Variants in SLC67A1 observed in about 807,000 individuals in gnomAD.
SLC67A1 encodes the protein solute carrier family 67 member A1.
the SLC67A1 span, among the ~76,000 whole-genome samples, chr11:2,918,433 T>C: frequency 6.6e-6 from 1 of 152,248 alleles, no homozygotes; most frequent in Admixed American, 6.5e-5. Flanking sequence ...GTGTCACCAC[T>C]GCCTTCTGCA....
At chr11:2,923,557 G>C in the SLC67A1 span, among the ~76,000 whole-genome samples, 1 of 152,344 alleles carries the variant, frequency 6.6e-6, no homozygotes, top group East Asian at 1.9e-4. This position sits in a 1 kb window ranked among gnomAD's most constrained non-coding sequence, Gnocchi z 6.5. Flanking sequence ...GCAAAGGGCA[G>C]GCCTATTCTC....
At chr11:2,919,406 T>G in the SLC67A1 span, 1 of 1,612,660 alleles carries the variant, frequency 6.2e-7, no homozygotes, top group Non-Finnish European at 8.5e-7. Context: ...CTCCTCCAGA[T>G]GGTGAGTGGG....
At chr11:2,905,590 G>T in the SLC67A1 span, among the ~76,000 whole-genome samples, 1 of 152,302 alleles carries the variant, frequency 6.6e-6, no homozygotes, top group Non-Finnish European at 1.5e-5. Context: ...TGGACATTTG[G>T]GTTGGTTCCA....
the SLC67A1 span, among the ~76,000 whole-genome samples, chr11:2,901,255 C>G: frequency 6.6e-6 from 1 of 152,232 alleles, no homozygotes; most frequent in Non-Finnish European, 1.5e-5. Flanking sequence ...TGCTGAACCA[C>G]TCCCACGGTG....
the SLC67A1 span, among the ~76,000 whole-genome samples, chr11:2,905,747 G>C: frequency 6.6e-6 from 1 of 152,230 alleles, no homozygotes; most frequent in South Asian, 2.1e-4. Context: ...GCTGCTCAGA[G>C]CTCCGCCCTC....
At chr11:2,915,248 C>T in the SLC67A1 span, 7 of 984,940 alleles carry the variant, frequency 7.1e-6, no homozygotes, top group East Asian at 4.5e-4. Context: ...CTCTGGCAAA[C>T]GGATGCAGGT....
chr11:2,901,907 CCT>C, the SLC67A1 span, among the ~76,000 whole-genome samples: 6 of 152,384 alleles, frequency 3.9e-5, no homozygotes, highest in African/African-American at 1.2e-4. Context: ...TCTCCCCGCC[CCT>C]GCCTCCCCTC....
the SLC67A1 span, among the ~76,000 whole-genome samples, chr11:2,905,499 C>T: frequency 6.6e-6 from 1 of 152,190 alleles, no homozygotes; most frequent in South Asian, 2.1e-4. Context: ...GTACAAAGCA[C>T]ATGAACTCAT....
chr11:2,909,219 G>C, the SLC67A1 span: 7 of 1,538,974 alleles, frequency 4.5e-6, no homozygotes, highest in South Asian at 2.4e-5. Flanking sequence ...CGCGGGGCGC[G>C]GGCGGCGCTC....
At chr11:2,913,235 C>T in the SLC67A1 span, among the ~76,000 whole-genome samples, 1 of 152,186 alleles carries the variant, frequency 6.6e-6, no homozygotes, top group East Asian at 1.9e-4. Flanking sequence ...AGTTCGTGTA[C>T]CTCGCAGTGC....
the SLC67A1 span, chr11:2,922,248 G>T: frequency 6.4e-7 from 1 of 1,571,058 alleles, no homozygotes. Context: ...CCCTCTCACT[G>T]GGCAAGGCCA....
the SLC67A1 span, chr11:2,909,833 T>C: frequency 9.1e-7 from 1 of 1,095,932 alleles, no homozygotes; most frequent in Non-Finnish European, 1.2e-6. Context: ...GGCCACGTGA[T>C]GTGGCTACTG....
chr11:2,899,853 A>G, the SLC67A1 span: 1 of 812,330 alleles, frequency 1.2e-6, no homozygotes, highest in Non-Finnish European at 1.9e-6. Flanking sequence ...GAGGACCCTC[A>G]GCCTCCCTCG....
At chr11:2,909,421 A>C in the SLC67A1 span, 45 of 1,470,880 alleles carry the variant, frequency 3.1e-5, no homozygotes, top group Middle Eastern at 2.4e-4. Flanking sequence ...AGGACCCGGG[A>C]CACCTCCAGG....
At chr11:2,918,714 GC>G in the SLC67A1 span, among the ~76,000 whole-genome samples, 19 of 8,790 alleles carry the variant, frequency 2.2e-3, no homozygotes, top group Non-Finnish European at 6.4e-3. Flanking sequence ...CCCTTTGAGG[GC>G]CCTTTTTTTT....
chr11:2,916,018 T>G, the SLC67A1 span: 1 of 152,270 alleles, frequency 6.6e-6, no homozygotes, highest in African/African-American at 2.4e-5. Flanking sequence ...CAAAGCAGCC[T>G]GAGGGGCACC....
At chr11:2,909,260 T>A in the SLC67A1 span, 1 of 1,537,112 alleles carries the variant, frequency 6.5e-7, no homozygotes, top group Non-Finnish European at 8.7e-7. Flanking sequence ...CTTGGCGCTC[T>A]ACCTGCTCCT....
the SLC67A1 span, chr11:2,916,862 C>T: frequency 1.3e-6 from 1 of 789,718 alleles, no homozygotes; most frequent in Non-Finnish European, 2.2e-6. Flanking sequence ...TACTCACACC[C>T]TCCTGCCTTC....
At chr11:2,915,062 G>A in the SLC67A1 span, 1 of 985,326 alleles carries the variant, frequency 1.0e-6, no homozygotes, top group Non-Finnish European at 1.2e-6. Context: ...GAGCTGCCCT[G>A]ATGGATTGGC....
Sources: gnomAD v4.1 joint callset for allele counts (sites outside exome capture counted in the v4.1 genomes callset) on GRCh38, gnomAD v4.1.1 for gene constraint, Gnocchi (gnomAD v3.1) non-coding constraint, MANE v1.5 for transcripts, NCBI Gene and HGNC (gene_info 2026-07-23, HGNC 2026-07-21) for gene names.